The following NMBR variants were observed in gnomAD, a reference collection of about 807,000 sequenced individuals.
NMBR encodes neuromedin B receptor, also known as neuromedin-B receptor.
A neutral mutation model predicts 20.5 loss-of-function variants in NMBR; 16 were observed. The ratio of observed to expected loss-of-function variants is 0.78; its 90% confidence interval spans 0.53 to 1.19. The LOEUF (loss-of-function observed/expected upper bound fraction) is 1.19, where lower values mean the gene tolerates loss of function less well. NMBR is among the 50% of genes most tolerant of loss of function. The pLI, the probability that NMBR is intolerant of heterozygous loss-of-function variation, is 0.00. For missense variants in NMBR, 582 were observed against 499.1 expected (o/e 1.17, Z -1.58); for synonymous variants, 212 against 196.6 (o/e 1.08, Z -0.65).
chr6:142,093,691 T>C (rs551896408), intron 1 of NMBR, among the ~76,000 whole-genome samples: 1 of 152,162 alleles, frequency 6.6e-6, no homozygotes, highest in Non-Finnish European at 1.5e-5. Flanking sequence ...CTGGGTCAAA[T>C]GGTAATTCTA....
Position 142,088,479 on chromosome 6 carries a change from G to A in NMBR, c.180C>T (p.Gly60=), listed in dbSNP as rs371263852. 3.7e-6 allele frequency: 6 copies of A among 1,613,940 alleles called. No homozygotes were observed. In the African/African-American group the frequency reaches 8.0e-5, roughly 22 times the overall value. The change falls in exon 2 of 4, where the codon GGC becomes GGT. Residue 60 remains glycine (G), a synonymous_variant. Coordinates refer to ENST00000258042, the MANE Select transcript of NMBR (RefSeq NM_002511.4). Reference sequence around the variant, plus strand: ...TGAAGATCTTCACCAGCATGATGTTGCCCAGCAAGCCCACGGTGATGATGA... The same window carrying A: ...TGAAGATCTTCACCAGCATGATGTTACCCAGCAAGCCCACGGTGATGATGA... The part of the protein sequence containing the change: ...YLLIITVGLL[G]NIMLVKIFIT...
Position 142,097,083 on chromosome 6 carries a change from G to A in NMBR, c.-663-7762C>T, listed in dbSNP as rs187698308. On this transcript the variant is annotated intron_variant, in intron 1 of 3. Coordinates refer to ENST00000258042, the MANE Select transcript of NMBR (RefSeq NM_002511.4). ...ATGTGTGTCTTTGCACGTGAGATGGGTTTCCTGAATACAGCACACTGATGG... is the reference window on the plus strand; with the variant it reads ...ATGTGTGTCTTTGCACGTGAGATGGATTTCCTGAATACAGCACACTGATGG... 1.5e-3 allele frequency among the ~76,000 whole-genome samples: 225 copies of A among 152,148 alleles called. 1 individual carries two copies. The highest frequency in any genetic ancestry group is 5.2e-3 in the African/African-American group (217 of 41,502).
At chr6:142,109,116 T>C (rs977630881) in intron 1 of NMBR, among the ~76,000 whole-genome samples, 2 of 152,330 alleles carry the variant, frequency 1.3e-5, no homozygotes, top group East Asian at 1.9e-4. Flanking sequence ...TACAGCTCCC[T>C]GCTTCAGCTG....
At chr6:142,143,416 C>T (rs543984663) in intron 1 of NMBR, among the ~76,000 whole-genome samples, 1 of 152,304 alleles carries the variant, frequency 6.6e-6, no homozygotes, top group African/African-American at 2.4e-5. Flanking sequence ...TCCCAAGTAG[C>T]TGGGATTACA....
intron 1 of NMBR, among the ~76,000 whole-genome samples, chr6:142,096,736 T>C (rs1462493438): frequency 1.3e-5 from 2 of 152,132 alleles, no homozygotes; most frequent in Non-Finnish European, 2.9e-5. Context: ...TTGTTGACTT[T>C]CTGTCTCGTT....
At chr6:142,109,605 T>C (rs991784780) in intron 1 of NMBR, among the ~76,000 whole-genome samples, 1 of 151,578 alleles carries the variant, frequency 6.6e-6, no homozygotes, top group African/African-American at 2.4e-5. Flanking sequence ...ATGCTCAATA[T>C]TATTACCCAT....
intron 1 of NMBR, among the ~76,000 whole-genome samples, chr6:142,092,532 CAG>C (rs1332746850): frequency 1.3e-5 from 2 of 152,064 alleles, no homozygotes; most frequent in Non-Finnish European, 2.9e-5. Context: ...GATGGAGTAA[CAG>C]AGAATACACT....
At chr6:142,125,167 C>T (rs1778008176) in intron 1 of NMBR, among the ~76,000 whole-genome samples, 1 of 151,820 alleles carries the variant, frequency 6.6e-6, no homozygotes, top group South Asian at 2.1e-4. Context: ...ACATACCATT[C>T]TGAGTACCTA....
Position 142,075,093 on chromosome 6 carries a change from CAT to C in NMBR, c.*553_*554del, listed in dbSNP as rs1776902278. On this transcript the variant is annotated 3_prime_UTR_variant, in exon 4 of 4. Coordinates refer to ENST00000258042, the MANE Select transcript of NMBR (RefSeq NM_002511.4). ...GGACGTGTGTGTGTGTACATATATA[CAT>C]ATACATATATATATACACACACACA... 1.6e-5 allele frequency among the ~76,000 whole-genome samples: 2 copies of C among 121,994 alleles called. No homozygotes were observed. Among genetic ancestry groups the C allele is most frequent in the Non-Finnish European group, 3.3e-5 (2 of 60,058 alleles). 80.0% of individuals were successfully genotyped at this position (121,994 alleles called of 152,430 possible). A position where few individuals can be genotyped will look rare whatever the true frequency, so the allele number is the denominator to read the frequency against.
chr6:142,125,835 G>A (rs548801682), intron 1 of NMBR, among the ~76,000 whole-genome samples: 9 of 151,556 alleles, frequency 5.9e-5, no homozygotes, highest in African/African-American at 1.7e-4. Context: ...CATATCCATC[G>A]CCTCCCATAA....
At position 142,075,097 on chromosome 6, in the gene NMBR, T is replaced by C. The variant is rs9496253; in HGVS notation, c.*551A>G. On this transcript the variant is annotated 3_prime_UTR_variant, in exon 4 of 4. Transcript: ENST00000258042. ...GTGTGTGTGTGTACATATATACATA[T>C]ACATATATATATACACACACACACA... 0.12 allele frequency among the ~76,000 whole-genome samples: 13,937 copies of C among 116,996 alleles called. 716 individuals carry two copies. The highest frequency in any genetic ancestry group is 0.21 in the Admixed American group (2,426 of 11,414). 76.8% of individuals were successfully genotyped at this position (116,996 alleles called of 152,430 possible).
chr6:142,075,970 A>G lies in NMBR; in HGVS notation c.851T>C (p.Ile284Thr), dbSNP rs190275378. ...GTTGAAAGACCGATACATGTAAAGG[A>G]TGTGGTTTGGAAACCAACAGAAGAT... is the stretch of plus-strand genomic sequence containing the variant. Reference protein sequence around the residue: ...CFIFCWFPNHILYMYRSFNYN... With the variant: ...CFIFCWFPNHTLYMYRSFNYN... Residue 284 changes from isoleucine (I) to threonine (T), a missense_variant, in exon 4 of 4, where the codon ATC becomes ACC. Ile to Thr is a moderately conservative substitution (Grantham distance 89, BLOSUM62 -1). Coordinates refer to ENST00000258042, the MANE Select transcript of NMBR (RefSeq NM_002511.4). 3.1e-6 allele frequency: 5 copies of G among 1,613,584 alleles called. 1 individual carries two copies. In the Admixed American group the frequency reaches 6.7e-5, roughly 22 times the overall value.
chr6:142,080,648 A>G (rs1217513724), intron 2 of NMBR, among the ~76,000 whole-genome samples: 1 of 152,164 alleles, frequency 6.6e-6, no homozygotes, highest in Non-Finnish European at 1.5e-5. Context: ...ACAAAAATAA[A>G]AATTTAATCT....
intron 1 of NMBR, among the ~76,000 whole-genome samples, chr6:142,129,209 G>T (rs1447890878): frequency 6.6e-6 from 1 of 151,720 alleles, no homozygotes; most frequent in East Asian, 1.9e-4. Flanking sequence ...TACTCCCAGG[G>T]TTTAGAATAG....
chr6:142,122,931 A>G (rs1303336125), intron 1 of NMBR, among the ~76,000 whole-genome samples: 1 of 151,952 alleles, frequency 6.6e-6, no homozygotes, highest in Non-Finnish European at 1.5e-5. Context: ...TGTTGTTTCT[A>G]TGCCTGCTAA....
rs138878910 is a variant in NMBR at position 142,090,269 on chromosome 6, A to T, written c.-663-948T>A. 3.4e-3 allele frequency among the ~76,000 whole-genome samples: 512 copies of T among 152,224 alleles called. 3 individuals carry two copies. Among genetic ancestry groups the T allele is most frequent in the African/African-American group, 0.012 (488 of 41,542 alleles). On this transcript the variant is annotated intron_variant, in intron 1 of 3. Coordinates refer to ENST00000258042, the MANE Select transcript of NMBR (RefSeq NM_002511.4). ...TTAAAGGATAAAATTGAACAATTGA[A>T]TAATAACAATGTAACTAGCCAAGGA...
chr6:142,100,906 G>A (rs991407767), intron 1 of NMBR, among the ~76,000 whole-genome samples: 8 of 152,050 alleles, frequency 5.3e-5, no homozygotes, highest in Non-Finnish European at 1.2e-4. Flanking sequence ...CTATAAATTG[G>A]GTAGCTTATA....
Position 142,088,428 on chromosome 6 carries a change from G to C in NMBR, c.231C>G (p.Val77=), listed in dbSNP as rs371107910. The change falls in exon 2 of 4, where the codon GTC becomes GTG. Residue 77 remains valine, a synonymous_variant. Coordinates refer to ENST00000258042, the MANE Select transcript of NMBR (RefSeq NM_002511.4). ...CCAGGTTAGAGATGAAGATGTTGGGGACGCTCCTCATGGCGCTGTTGGTGA... is the reference window on the plus strand; with the variant it reads ...CCAGGTTAGAGATGAAGATGTTGGGCACGCTCCTCATGGCGCTGTTGGTGA... The part of the protein sequence containing the change: ...IFITNSAMRS[V]PNIFISNLAA... The C allele has an allele frequency of 3.7e-5, 59 of 1,613,974 alleles. No homozygotes were observed. Among genetic ancestry groups the C allele is most frequent in the Non-Finnish European group, 4.9e-5 (58 of 1,180,028 alleles).
At chr6:142,139,949 G>T (rs1354760235) in intron 1 of NMBR, among the ~76,000 whole-genome samples, 1 of 152,058 alleles carries the variant, frequency 6.6e-6, no homozygotes, top group Non-Finnish European at 1.5e-5. Flanking sequence ...TTCATAAAAA[G>T]CTCTTTGGTG....
Sources: allele counts gnomAD v4.1 joint callset (sites outside exome capture counted in the v4.1 genomes callset), GRCh38; gene constraint gnomAD v4.1.1; transcripts MANE v1.5; gene names NCBI Gene and HGNC (gene_info 2026-07-23, HGNC 2026-07-21).